The following LRBA variants were observed in gnomAD, a reference collection of about 807,000 sequenced individuals.
The protein encoded by LRBA is lipopolysaccharide-responsive and beige-like anchor protein.
Under a neutral mutation model 330.0 loss-of-function variants are expected in LRBA, and 176 were observed. The ratio of observed to expected loss-of-function variants is 0.53; its 90% confidence interval spans 0.47 to 0.60. LRBA has a LOEUF of 0.60. LRBA is among the 20% of genes least tolerant of loss of function. The pLI, the probability that LRBA is intolerant of heterozygous loss-of-function variation, is 0.00. For missense variants in LRBA, 3,259 were observed against 3,444.8 expected, an observed-to-expected ratio of 0.95 and a Z score of 1.35; for synonymous variants, 1,230 against 1,193.0, an observed-to-expected ratio of 1.03 and a Z score of -0.64.
At chr4:150,510,066 G>A (rs1020425805) in intron 40 of LRBA, among the ~76,000 whole-genome samples, 2 of 152,128 alleles carry the variant, frequency 1.3e-5, no homozygotes, top group Non-Finnish European at 2.9e-5. Context: ...AAACCAGGAG[G>A]GAGGTGGAGG....
At chr4:150,607,208 G>C (rs1774737044) in intron 37 of LRBA, among the ~76,000 whole-genome samples, 1 of 152,144 alleles carries the variant, frequency 6.6e-6, no homozygotes, top group Non-Finnish European at 1.5e-5. Context: ...ACATCCTAGA[G>C]TCTACAGAGA....
At chr4:150,825,903 C>T (rs948315259) in intron 30 of LRBA, among the ~76,000 whole-genome samples, 9 of 152,074 alleles carry the variant, frequency 5.9e-5, no homozygotes, top group African/African-American at 1.7e-4. Flanking sequence ...AAATTAATCC[C>T]GCATAAGAAC....
At chr4:150,639,371 AAG>A (rs1491032339) in intron 37 of LRBA, among the ~76,000 whole-genome samples, 2 of 143,364 alleles carry the variant, frequency 1.4e-5, no homozygotes, top group African/African-American at 2.8e-5. Flanking sequence ...AAAAAAAAAA[AAG>A]AAAAAAAAAA....
intron 56 of LRBA, among the ~76,000 whole-genome samples, chr4:150,266,544 C>A (rs943948818): frequency 1.3e-5 from 2 of 152,094 alleles, no homozygotes; most frequent in African/African-American, 4.8e-5. Context: ...AGGACCAGCC[C>A]TTAGAAGCCA....
At chr4:150,987,383 T>C (rs965910194) in intron 2 of LRBA, among the ~76,000 whole-genome samples, 1 of 152,198 alleles carries the variant, frequency 6.6e-6, no homozygotes, top group Non-Finnish European at 1.5e-5. Flanking sequence ...TATAAATCTC[T>C]ACTAGAAAGG....
intron 47 of LRBA, among the ~76,000 whole-genome samples, chr4:150,350,800 G>A (rs1330395744): frequency 6.6e-6 from 1 of 152,118 alleles, no homozygotes; most frequent in Admixed American, 6.5e-5. Context: ...TCAAAGAAAG[G>A]AAGCCATACA....
At chr4:151,003,933 GTGAC>G (rs1743715629) in intron 2 of LRBA, among the ~76,000 whole-genome samples, 1 of 142,640 alleles carries the variant, frequency 7.0e-6, no homozygotes, top group Non-Finnish European at 1.5e-5. Flanking sequence ...GTGTGTGTGT[GTGAC>G]AGTCTCATGC....
At chr4:150,342,318 G>A (rs932809282) in intron 48 of LRBA, among the ~76,000 whole-genome samples, 6 of 151,520 alleles carry the variant, frequency 4.0e-5, no homozygotes, top group African/African-American at 1.2e-4. Flanking sequence ...GTAATATTGA[G>A]GAACTAGAAT....
Position 151,014,167 on chromosome 4 carries a change from A to G in LRBA, c.216+260T>C, listed in dbSNP as rs1745166716. On this transcript the variant is annotated intron_variant, in intron 2 of 56. Coordinates refer to ENST00000651943, the MANE Select transcript of LRBA (RefSeq NM_001364905.1). ...ACTCCTCCGCTAGAACCTCCCCCCA[A>G]TACTTCCATAGCAACAATTATTTCC... The G allele has an allele frequency of 1.1e-5, 4 of 349,216 alleles. No homozygotes were observed. The South Asian group carries it at 2.7e-4, about 23-fold the overall frequency. The allele number at this position is 349,216 out of a possible 1,614,324, so 21.6% of individuals were successfully genotyped here.
At chr4:150,423,672 C>T (rs2151968871) in intron 46 of LRBA, 2 of 255,150 alleles carry the variant, frequency 7.8e-6, no homozygotes, top group Non-Finnish European at 1.5e-5. Flanking sequence ...CCCCTTGGCC[C>T]GACCCAGCAC....
At chr4:150,808,897 G>A (rs769808129) in intron 31 of LRBA, among the ~76,000 whole-genome samples, 1 of 152,124 alleles carries the variant, frequency 6.6e-6, no homozygotes, top group Non-Finnish European at 1.5e-5. Context: ...CTGTAATCTT[G>A]TATCACAACT....
intron 34 of LRBA, among the ~76,000 whole-genome samples, chr4:150,773,050 C>T (rs1338115326): frequency 6.6e-6 from 1 of 152,070 alleles, no homozygotes; most frequent in Non-Finnish European, 1.5e-5. Flanking sequence ...AGGGGTATCT[C>T]GACATGTCCC....
intron 48 of LRBA, among the ~76,000 whole-genome samples, chr4:150,348,895 T>G (rs1243186154): frequency 4.6e-5 from 7 of 152,184 alleles, no homozygotes; most frequent in Non-Finnish European, 5.9e-5. Flanking sequence ...TTCTGTGTCA[T>G]ACAGTCAATT....
intron 37 of LRBA, among the ~76,000 whole-genome samples, chr4:150,606,754 C>T (rs1774675867): frequency 1.3e-5 from 2 of 152,156 alleles, no homozygotes; most frequent in Non-Finnish European, 2.9e-5. Flanking sequence ...TCCTCTTGAA[C>T]ATCTTATTCG....
intron 8 of LRBA, 126 bp from the exon 9 acceptor site, chr4:150,914,467 T>C (rs1335985280): frequency 3.5e-6 from 2 of 570,024 alleles, no homozygotes; most frequent in East Asian, 3.0e-5. Flanking sequence ...ACATAATTTA[T>C]ACCATAAAAC....
At chr4:150,330,045 T>C (rs1465547422) in intron 48 of LRBA, among the ~76,000 whole-genome samples, 1 of 152,194 alleles carries the variant, frequency 6.6e-6, no homozygotes, top group Non-Finnish European at 1.5e-5. Context: ...GCAATATTTC[T>C]CTGATCAAAT....
intron 33 of LRBA, 79 bp downstream of exon 33, chr4:150,806,192 C>T: frequency 1.8e-6 from 2 of 1,102,946 alleles, no homozygotes; most frequent in East Asian, 2.7e-5. Context: ...AATGAAACTC[C>T]ATGTTATTTC....
intron 8 of LRBA, 109 bp from the exon 9 acceptor site, chr4:150,914,450 T>C: frequency 1.6e-6 from 1 of 632,936 alleles, no homozygotes; most frequent in Admixed American, 3.4e-5. Flanking sequence ...TGTATCTAAA[T>C]AGACTAACAT....
chr4:150,351,718 C>T (rs1370148296), intron 47 of LRBA, among the ~76,000 whole-genome samples: 1 of 152,112 alleles, frequency 6.6e-6, no homozygotes, highest in Non-Finnish European at 1.5e-5. Context: ...AAAAACTATA[C>T]AGTAATCCCC....
Sources: gnomAD v4.1 joint callset for allele counts (sites outside exome capture counted in the v4.1 genomes callset) on GRCh38, gnomAD v4.1.1 for gene constraint, MANE v1.5 for transcripts, NCBI Gene and HGNC (gene_info 2026-07-23, HGNC 2026-07-21) for gene names.